DTNA: variants seen among roughly 807,000 people sequenced by gnomAD.
The protein encoded by DTNA is dystrobrevin alpha.
Under a neutral mutation model 100.7 loss-of-function variants are expected in DTNA, and 43 were observed. That is an observed-to-expected ratio of 0.43 (90% confidence interval 0.33 to 0.55). DTNA has a LOEUF of 0.55. Among genes scored for constraint, DTNA ranks in the 20% least tolerant of loss-of-function variants. The pLI is 0.04. For missense variants in DTNA, 798 were observed against 953.9 expected, an observed-to-expected ratio of 0.84 and a Z score of 2.15; for synonymous variants, 349 against 347.9, an observed-to-expected ratio of 1.00 and a Z score of -0.04.
intron 1 of DTNA, among the ~76,000 whole-genome samples, chr18:34,688,846 C>T (rs1426298586): frequency 6.6e-6 from 1 of 152,176 alleles, no homozygotes; most frequent in East Asian, 1.9e-4. Context: ...TGTTCCTTTT[C>T]ATTCTTTTTT....
At chr18:34,785,646 T>A (rs1405686228) in intron 3 of DTNA, among the ~76,000 whole-genome samples, 1 of 152,188 alleles carries the variant, frequency 6.6e-6, no homozygotes, top group East Asian at 1.9e-4. Flanking sequence ...ATATAAATAG[T>A]ATGTATATAT....
At chr18:34,872,797 C>T (rs2096778357) in intron 17 of DTNA, among the ~76,000 whole-genome samples, 1 of 152,200 alleles carries the variant, frequency 6.6e-6, no homozygotes, top group South Asian at 2.1e-4. Flanking sequence ...TGTGTCTTTT[C>T]CCTCTTCAGG....
intron 1 of DTNA, among the ~76,000 whole-genome samples, chr18:34,753,373 T>A (rs1305513750): frequency 3.2e-5 from 3 of 93,298 alleles, no homozygotes; most frequent in Non-Finnish European, 6.2e-5. Flanking sequence ...TTTATTTTTT[T>A]TTTTTTTTTA....
At chr18:34,503,279 ATTTTTTTTTTTTTT>A (rs869258771) in intron 1 of DTNA, among the ~76,000 whole-genome samples, 1 of 62,042 alleles carries the variant, frequency 1.6e-5, no homozygotes, top group South Asian at 7.6e-4. Context: ...TAATTGGCTC[ATTTTTTTTTTTTTT>A]TTTTTTTTTT....
In DTNA at chr18:34,794,381, G is replaced by T. The variant is rs2094882513; in HGVS notation, c.362+131G>T. 9.2e-6 allele frequency: 9 copies of T among 977,300 alleles called. No homozygotes were observed. In the South Asian group the frequency reaches 1.2e-4, roughly 13 times the overall value. 60.5% of individuals were successfully genotyped at this position (977,300 alleles called of 1,614,324 possible). A position where few individuals can be genotyped will look rare whatever the true frequency, so the allele number is the denominator to read the frequency against. Reference sequence around the variant, plus strand: ...TACTCTCTTTTTTCTTACAGTGGATGCTTATGTCAGTAAAGTCTCCATGTG... The same window carrying T: ...TACTCTCTTTTTTCTTACAGTGGATTCTTATGTCAGTAAAGTCTCCATGTG... On this transcript the variant is annotated intron_variant, in intron 4 of 22. Coordinates refer to ENST00000444659, the MANE Select transcript of DTNA (RefSeq NM_001386795.1).
At chr18:34,503,310 CAG>C (rs1324299350) in intron 1 of DTNA, among the ~76,000 whole-genome samples, 2 of 96,444 alleles carry the variant, frequency 2.1e-5, no homozygotes, top group Non-Finnish European at 3.7e-5. Context: ...TTTTTTGAGA[CAG>C]AGTCTCACTC....
intron 9 of DTNA, among the ~76,000 whole-genome samples, chr18:34,826,435 C>T (rs1017064343): frequency 6.6e-6 from 1 of 152,048 alleles, no homozygotes; most frequent in Non-Finnish European, 1.5e-5. Flanking sequence ...ATTTTAAAGC[C>T]TGCAGAGCTT....
intron 14 of DTNA, among the ~76,000 whole-genome samples, chr18:34,849,146 TG>T (rs1311788354): frequency 2.6e-5 from 4 of 152,194 alleles, no homozygotes; most frequent in Non-Finnish European, 4.4e-5. Context: ...GTGTACTGTG[TG>T]CCCCCAAAAT....
intron 1 of DTNA, among the ~76,000 whole-genome samples, chr18:34,740,673 G>A (rs1014678376): frequency 6.6e-6 from 1 of 152,068 alleles, no homozygotes; most frequent in African/African-American, 2.4e-5. Flanking sequence ...GTGCACGCCT[G>A]TGGTCCCCAT....
At chr18:34,716,333 G>A (rs773584632) in intron 1 of DTNA, among the ~76,000 whole-genome samples, 15 of 152,136 alleles carry the variant, frequency 9.9e-5, no homozygotes, top group Non-Finnish European at 1.5e-4. Flanking sequence ...AGGCCGAGGC[G>A]GGTGGATCGC....
chr18:34,502,347 T>C (rs2040014776), intron 1 of DTNA, among the ~76,000 whole-genome samples: 1 of 152,152 alleles, frequency 6.6e-6, no homozygotes, highest in Admixed American at 6.5e-5. Context: ...TATTTTTCTG[T>C]TTTCCATTTC....
At chr18:34,825,373 T>G in intron 9 of DTNA, 1 of 1,467,176 alleles carries the variant, frequency 6.8e-7, no homozygotes, top group Non-Finnish European at 9.5e-7. Flanking sequence ...ATGAGGCTAG[T>G]TTAGAACTAA....
chr18:34,676,060 A>C, intron 1 of DTNA, among the ~76,000 whole-genome samples: 1 of 152,246 alleles, frequency 6.6e-6, no homozygotes, highest in East Asian at 1.9e-4. Flanking sequence ...ACTCTTCTCC[A>C]GTCTAATATT....
At chr18:34,689,386 CT>C (rs1378451930) in intron 1 of DTNA, among the ~76,000 whole-genome samples, 1 of 152,082 alleles carries the variant, frequency 6.6e-6, no homozygotes, top group Non-Finnish European at 1.5e-5. Flanking sequence ...TGTTTTCCTT[CT>C]AATAGTCAGG....
chr18:34,716,976 A>G (rs1018605130), intron 1 of DTNA, among the ~76,000 whole-genome samples: 3 of 152,208 alleles, frequency 2.0e-5, no homozygotes, highest in African/African-American at 7.2e-5. Context: ...AATAGGGTAT[A>G]CATTCCAATT....
At chr18:34,825,164 G>A in intron 9 of DTNA, 2 of 1,467,030 alleles carry the variant, frequency 1.4e-6, no homozygotes, top group Middle Eastern at 2.3e-4. Context: ...TGAGCAGGTG[G>A]TGACATTTTG....
intron 1 of DTNA, among the ~76,000 whole-genome samples, chr18:34,605,596 C>T (rs1423374758): frequency 6.6e-6 from 1 of 150,804 alleles, no homozygotes; most frequent in African/African-American, 2.4e-5. Context: ...GAGAAGCCAA[C>T]AGATTTCTTA....
intron 1 of DTNA, among the ~76,000 whole-genome samples, chr18:34,623,187 T>G (rs557729722): frequency 6.6e-6 from 1 of 152,034 alleles, no homozygotes; most frequent in Non-Finnish European, 1.5e-5. Context: ...CAGTATAGGG[T>G]CAAGGGCCAA....
chr18:34,625,585 A>G (rs866237074), intron 1 of DTNA, among the ~76,000 whole-genome samples: 8 of 152,362 alleles, frequency 5.3e-5, no homozygotes, highest in African/African-American at 1.9e-4. Context: ...TCTTGGAAAC[A>G]TAAGACATAC....
Sources: allele counts gnomAD v4.1 joint callset (sites outside exome capture counted in the v4.1 genomes callset), GRCh38; gene constraint gnomAD v4.1.1; transcripts MANE v1.5; gene names NCBI Gene and HGNC (gene_info 2026-07-23, HGNC 2026-07-21).